The following PRELID2 variants were observed in gnomAD, a reference collection of about 807,000 sequenced individuals.
The protein encoded by PRELID2 is PRELI domain-containing protein 2.
Under a neutral mutation model 28.4 loss-of-function variants are expected in PRELID2, and 25 were observed. The observed-to-expected ratio is 0.88, with a 90% CI of 0.64 to 1.23. The LOEUF is 1.23. Ranked by LOEUF, PRELID2 falls within the 50% of genes most tolerant of loss-of-function variation. The pLI, the probability that PRELID2 is intolerant of heterozygous loss-of-function variation, is 0.00. For synonymous variants in PRELID2, 76 were observed against 71.6 expected (o/e 1.06, Z -0.31); for missense variants, 201 against 214.4 (o/e 0.94, Z 0.39).
chr5:145,532,313 T>C (rs1011847340), intron 1 of PRELID2, among the ~76,000 whole-genome samples: 1 of 152,052 alleles, frequency 6.6e-6, no homozygotes, highest in Admixed American at 6.6e-5. Context: ...GTAAGACTCT[T>C]TTTTCTTTTT....
intron 1 of PRELID2, among the ~76,000 whole-genome samples, chr5:145,631,820 T>C (rs1253515873): frequency 6.6e-6 from 1 of 152,212 alleles, no homozygotes; most frequent in East Asian, 1.9e-4. Context: ...CATTTATTTG[T>C]AGTTTAACTC....
chr5:145,707,929 C>G (rs201751807), intron 1 of PRELID2, among the ~76,000 whole-genome samples: 2 of 152,200 alleles, frequency 1.3e-5, no homozygotes, highest in East Asian at 1.9e-4. Flanking sequence ...CCACCCCACA[C>G]AATCTTGCCT....
the PRELID2 span, among the ~76,000 whole-genome samples, chr5:145,391,918 C>T: frequency 2.0e-5 from 3 of 152,172 alleles, no homozygotes; most frequent in Non-Finnish European, 2.9e-5. Flanking sequence ...TCCTCATCTC[C>T]ATCTGAGCCC....
the PRELID2 span, among the ~76,000 whole-genome samples, chr5:145,261,610 C>T: frequency 2.0e-5 from 3 of 152,182 alleles, no homozygotes; most frequent in Non-Finnish European, 4.4e-5. Context: ...TGCAGTTCAG[C>T]TCTCAGGAAT....
chr5:145,454,577 CAA>C, the PRELID2 span, among the ~76,000 whole-genome samples: 12 of 152,192 alleles, frequency 7.9e-5, no homozygotes, highest in African/African-American at 2.9e-4. Flanking sequence ...GCAATTTCAG[CAA>C]AGTCTCAGGA....
downstream of PRELID2, among the ~76,000 whole-genome samples, chr5:145,469,610 GCGACAC>G (rs1752033397): frequency 6.6e-6 from 1 of 152,062 alleles, no homozygotes; most frequent in Admixed American, 6.6e-5. Context: ...CAAAAAGGCA[GCGACAC>G]CGAACTGATA....
chr5:145,545,658 A>C (rs1752780588), intron 1 of PRELID2, among the ~76,000 whole-genome samples: 1 of 152,108 alleles, frequency 6.6e-6, no homozygotes, highest in African/African-American at 2.4e-5. Context: ...TCGGTCATGC[A>C]ACCAGCATTT....
chr5:145,242,457 A>C, the PRELID2 span, among the ~76,000 whole-genome samples: 1 of 152,012 alleles, frequency 6.6e-6, no homozygotes, highest in Non-Finnish European at 1.5e-5. Flanking sequence ...ATCCCACAGG[A>C]GGGGATACTG....
At chr5:145,592,102 C>T (rs1305188411) in intron 1 of PRELID2, among the ~76,000 whole-genome samples, 1 of 152,088 alleles carries the variant, frequency 6.6e-6, no homozygotes, top group Non-Finnish European at 1.5e-5. Context: ...CTGAAACAAC[C>T]ATCTTGCGCA....
At chr5:145,304,529 CCT>C in the PRELID2 span, among the ~76,000 whole-genome samples, 8 of 152,006 alleles carry the variant, frequency 5.3e-5, no homozygotes, top group Non-Finnish European at 1.2e-4. Context: ...GTTAATCATT[CCT>C]ATTATAGAGA....
intron 1 of PRELID2, among the ~76,000 whole-genome samples, chr5:145,559,299 T>C (rs1196848744): frequency 6.6e-6 from 1 of 151,272 alleles, no homozygotes; most frequent in East Asian, 1.9e-4. Context: ...GTAATAAATG[T>C]CCATCAAAAG....
the PRELID2 span, among the ~76,000 whole-genome samples, chr5:145,360,677 G>A: frequency 6.6e-6 from 1 of 152,076 alleles, no homozygotes. Flanking sequence ...ACAAAACCAA[G>A]GGATCCATTA....
chr5:145,471,299 T>C (rs1388125151), downstream of PRELID2, among the ~76,000 whole-genome samples: 2 of 152,132 alleles, frequency 1.3e-5, no homozygotes, highest in Admixed American at 6.6e-5. Context: ...GCTGCACTGC[T>C]ATTTTCTTAC....
At chr5:145,381,466 A>G in the PRELID2 span, 1 of 152,178 alleles carries the variant, frequency 6.6e-6, no homozygotes, top group Admixed American at 6.5e-5. Context: ...AACCTAAAAC[A>G]AACTTTAATT....
At chr5:145,825,588 G>A (rs566721754) in intron 1 of PRELID2, among the ~76,000 whole-genome samples, 13 of 152,100 alleles carry the variant, frequency 8.5e-5, no homozygotes, top group Non-Finnish European at 1.9e-4. Flanking sequence ...TATAAAAGAC[G>A]TTGAAAATGT....
chr5:145,767,098 T>C (rs575514300), intron 5 of PRELID2, among the ~76,000 whole-genome samples: 8 of 152,022 alleles, frequency 5.3e-5, no homozygotes, highest in South Asian at 2.1e-4. Context: ...CATATGAATG[T>C]TGCCTTTTCC....
At chr5:145,543,439 C>G (rs184967442) in intron 1 of PRELID2, among the ~76,000 whole-genome samples, 196 of 152,178 alleles carry the variant, frequency 1.3e-3, no homozygotes, top group African/African-American at 1.8e-3. Flanking sequence ...AGTTGTGGCT[C>G]TTTATCTAAT....
At chr5:145,505,157 T>C (rs1406916330) in intron 1 of PRELID2, among the ~76,000 whole-genome samples, 4 of 152,184 alleles carry the variant, frequency 2.6e-5, no homozygotes, top group African/African-American at 7.2e-5. Flanking sequence ...TATTTAAACA[T>C]ACATTTTCTT....
At chr5:145,528,136 T>G (rs2126657818) in intron 1 of PRELID2, among the ~76,000 whole-genome samples, 1 of 152,306 alleles carries the variant, frequency 6.6e-6, no homozygotes, top group South Asian at 2.1e-4. Context: ...GACCTCATTG[T>G]TAAGGTCAAA....
Sources: gnomAD v4.1 joint callset for allele counts (sites outside exome capture counted in the v4.1 genomes callset) on GRCh38, gnomAD v4.1.1 for gene constraint, MANE v1.5 for transcripts, NCBI Gene and HGNC (gene_info 2026-07-23, HGNC 2026-07-21) for gene names.